ZNF385D: variants seen among roughly 807,000 people sequenced by gnomAD.
The protein encoded by ZNF385D is zinc finger protein 659.
A neutral mutation model predicts 35.8 loss-of-function variants in ZNF385D; 15 were observed. The observed-to-expected ratio is 0.42, with a 90% CI of 0.28 to 0.64. The LOEUF (loss-of-function observed/expected upper bound fraction) is 0.64, where lower values mean the gene tolerates loss of function less well. ZNF385D is among the 30% of genes least tolerant of loss of function. The pLI is 0.23. For missense variants in ZNF385D, 474 were observed against 494.6 expected, an observed-to-expected ratio of 0.96 and a Z score of 0.39; for synonymous variants, 212 against 186.8, an observed-to-expected ratio of 1.13 and a Z score of -1.10.
chr3:21,808,183 T>C (rs762225215), intron 3 of ZNF385D, among the ~76,000 whole-genome samples: 1 of 152,142 alleles, frequency 6.6e-6, no homozygotes, highest in Non-Finnish European at 1.5e-5. Context: ...AGAAAATTAG[T>C]ATCAAAACTG....
chr3:21,592,725 G>C (rs1302180087), intron 2 of ZNF385D, among the ~76,000 whole-genome samples: 1 of 152,158 alleles, frequency 6.6e-6, no homozygotes, highest in African/African-American at 2.4e-5. Flanking sequence ...TTAGGAATTT[G>C]AATCCCAGCA....
intron 4 of ZNF385D, among the ~76,000 whole-genome samples, chr3:21,505,090 A>G (rs1459877105): frequency 6.6e-6 from 1 of 152,160 alleles, no homozygotes; most frequent in African/African-American, 2.4e-5. Context: ...AGAACTTAGG[A>G]GAGGAAAAGA....
chr3:22,082,062 A>T (rs1210975203), intron 3 of ZNF385D, among the ~76,000 whole-genome samples: 1 of 149,018 alleles, frequency 6.7e-6, no homozygotes, highest in African/African-American at 2.5e-5. Context: ...TTCGAACTGC[A>T]GTGTTAAGAA....
intron 3 of ZNF385D, among the ~76,000 whole-genome samples, chr3:22,029,983 G>C (rs922358112): frequency 4.0e-5 from 6 of 151,654 alleles, no homozygotes; most frequent in Non-Finnish European, 7.4e-5. Context: ...TGAGTCAGTG[G>C]GCTGGGGAAG....
intron 3 of ZNF385D, among the ~76,000 whole-genome samples, chr3:21,538,854 T>C (rs1299673838): frequency 1.3e-5 from 2 of 152,116 alleles, no homozygotes; most frequent in African/African-American, 4.8e-5. Context: ...CATAAATACA[T>C]TTTTCAGCCA....
At position 22,010,684 on chromosome 3, in the gene ZNF385D, C is replaced by A. The variant is rs544876062; in HGVS notation, c.325+158133G>T. On this transcript the variant is annotated intron_variant, in intron 3 of 5. Transcript: ENST00000494108. ...AAAACAGTCTAGGGCCAAAATGGAT[C>A]CCAGACTCACCTCGCTCAGAGCCAG... 5.3e-5 allele frequency among the ~76,000 whole-genome samples: 8 copies of A among 152,234 alleles called. No homozygotes were observed. In the South Asian group the frequency reaches 1.7e-3, roughly 32 times the overall value.
At chr3:22,114,605 G>A (rs528023807) in intron 3 of ZNF385D, among the ~76,000 whole-genome samples, 2 of 152,146 alleles carry the variant, frequency 1.3e-5, no homozygotes, top group South Asian at 2.1e-4. Flanking sequence ...TGAGCAAATG[G>A]GGCTCAATCC....
chr3:21,475,928 A>G (rs113244980), intron 4 of ZNF385D, among the ~76,000 whole-genome samples: 2,736 of 150,544 alleles, frequency 0.018, 49 homozygotes, highest in South Asian at 0.051. Flanking sequence ...CATCCTTTAG[A>G]TATAGCTTTT....
intron 3 of ZNF385D, among the ~76,000 whole-genome samples, chr3:22,049,337 A>AAATT (rs1233416107): frequency 1.1e-5 from 1 of 95,100 alleles, no homozygotes; most frequent in African/African-American, 3.4e-5. Context: ...TAAAATAAAT[A>AAATT]AAAAATGCGG....
intron 2 of ZNF385D, among the ~76,000 whole-genome samples, chr3:22,186,621 G>C (rs532975738): frequency 1.3e-5 from 2 of 149,592 alleles, no homozygotes; most frequent in Non-Finnish European, 3.0e-5. Flanking sequence ...CTGTATACAA[G>C]GGGCAAATGA....
rs781050537 is a variant in ZNF385D at position 21,664,869 on chromosome 3, A to C, written c.165+17T>G. On this transcript the variant is annotated intron_variant, in intron 2 of 7. Transcript: ENST00000281523. ...ATACCTTCCACTCAGGCAAAGACAAATTTGGCAGGTACTTACCGCATTGAA... is the reference window on the plus strand; with the variant it reads ...ATACCTTCCACTCAGGCAAAGACAACTTTGGCAGGTACTTACCGCATTGAA... 21 of 1,613,450 alleles carry C rather than the reference A, an allele frequency of 1.3e-5. No homozygotes were observed. Among genetic ancestry groups the C allele is most frequent in the Non-Finnish European group, 1.7e-5 (20 of 1,179,576 alleles).
At chr3:21,756,169 A>T (rs1382798478), upstream of ZNF385D, among the ~76,000 whole-genome samples, 5 of 152,216 alleles carry the variant, frequency 3.3e-5, no homozygotes, top group Admixed American at 6.5e-5. Flanking sequence ...AAGCCTTTGT[A>T]GTAATCCAGG....
intron 2 of ZNF385D, among the ~76,000 whole-genome samples, chr3:22,316,394 GTCTT>G (rs1258658685): frequency 1.3e-5 from 2 of 152,110 alleles, no homozygotes; most frequent in African/African-American, 2.4e-5. Context: ...AATAAAGTAG[GTCTT>G]TCTTTAATGA....
chr3:21,874,937 G>A (rs1183337230), intron 3 of ZNF385D, among the ~76,000 whole-genome samples: 1 of 151,792 alleles, frequency 6.6e-6, no homozygotes, highest in Non-Finnish European at 1.5e-5. Context: ...AGCATATAAG[G>A]CTTTGTGTTC....
chr3:22,356,825 A>G (rs1211481053), intron 2 of ZNF385D, among the ~76,000 whole-genome samples: 1 of 151,908 alleles, frequency 6.6e-6, no homozygotes, highest in African/African-American at 2.4e-5. Flanking sequence ...CATTTTACAA[A>G]GTAGATTCAA....
chr3:21,750,644 A>AC (rs1308086923), intron 1 of ZNF385D, among the ~76,000 whole-genome samples: 114 of 150,982 alleles, frequency 7.6e-4, no homozygotes, highest in East Asian at 4.5e-3. Context: ...GGCAAAGTTT[A>AC]CCCCCCCGCC....
rs139525323 is a variant in ZNF385D at position 22,207,602 on chromosome 3, C to T, written c.107-38567G>A. Among the ~76,000 whole-genome samples, 7 of 151,832 alleles carry T rather than the reference C, an allele frequency of 4.6e-5. No homozygotes were observed. The East Asian group carries it at 7.8e-4, about 17-fold the overall frequency. ...AAAATAGACAAATGGGATGACATCA[C>T]GTTAACAAGCTTCTGCACAGCAAAT... On this transcript the variant is annotated intron_variant, in intron 2 of 5. Coordinates refer to the ZNF385D transcript ENST00000494108.
chr3:22,258,924 A>C (rs1359137241), intron 2 of ZNF385D, among the ~76,000 whole-genome samples: 2 of 151,844 alleles, frequency 1.3e-5, no homozygotes, highest in African/African-American at 4.8e-5. Context: ...AGAAAAAACT[A>C]GTCTCCTGAG....
Position 21,765,577 on chromosome 3 carries a change from G to A in ZNF385D, c.326-100549C>T, listed in dbSNP as rs369286170. 1.6e-4 allele frequency among the ~76,000 whole-genome samples: 24 copies of A among 151,970 alleles called. 4 individuals are homozygous for A. The highest frequency in any genetic ancestry group is 1.2e-3 in the Admixed American group (18 of 15,206). On this transcript the variant is annotated intron_variant, in intron 3 of 5. Transcript: ENST00000494108. ...AACGTGTCAATTGGTGATGGGCCCC[G>A]GAGCCAGTAGGTAGTAGAGACTCAG...
Sources: allele counts gnomAD v4.1 joint callset (sites outside exome capture counted in the v4.1 genomes callset), GRCh38; gene constraint gnomAD v4.1.1; transcripts MANE v1.5; gene names NCBI Gene and HGNC (gene_info 2026-07-23, HGNC 2026-07-21).